The following PSD3 variants were observed in gnomAD, a reference collection of about 807,000 sequenced individuals.
The protein encoded by PSD3 is pleckstrin and Sec7 domain containing 3, also known as PH and SEC7 domain-containing protein 3.
In PSD3, 49 loss-of-function variants were observed where a neutral mutation model predicts 105.5. The ratio of observed to expected loss-of-function variants is 0.46; its 90% CI spans 0.37 to 0.59. The LOEUF is 0.59. PSD3 is among the 20% of genes least tolerant of loss of function. PSD3 has a pLI of 0.00. For missense variants in PSD3, 1,561 were observed against 1,263.8 expected (o/e 1.24, Z -3.57); for synonymous variants, 557 against 457.8 (o/e 1.22, Z -2.77).
chr8:18,953,560 C>A (rs1823377454), intron 1 of PSD3, among the ~76,000 whole-genome samples: 2 of 152,134 alleles, frequency 1.3e-5, no homozygotes, highest in East Asian at 1.9e-4. Context: ...ACCAGCCTGG[C>A]CAACATGTTA....
At chr8:19,071,475 T>C (rs1047031487) in intron 1 of PSD3, among the ~76,000 whole-genome samples, 12 of 152,232 alleles carry the variant, frequency 7.9e-5, no homozygotes, top group African/African-American at 1.9e-4. Context: ...GCAGAAGACA[T>C]AGAAGAGGTT....
At chr8:18,826,866 A>G (rs933948963) in intron 4 of PSD3, among the ~76,000 whole-genome samples, 6 of 152,166 alleles carry the variant, frequency 3.9e-5, no homozygotes, top group Non-Finnish European at 7.3e-5. Flanking sequence ...CTTAAGTGCT[A>G]TAATATAATT....
At chr8:18,671,848 G>C (rs1347852953) in intron 9 of PSD3, among the ~76,000 whole-genome samples, 2 of 152,190 alleles carry the variant, frequency 1.3e-5, no homozygotes, top group East Asian at 1.9e-4. Flanking sequence ...AGCCAGAATG[G>C]TCTCGATCTC....
chr8:18,571,265 G>A (rs2130318368), intron 14 of PSD3, among the ~76,000 whole-genome samples: 1 of 152,248 alleles, frequency 6.6e-6, no homozygotes, highest in South Asian at 2.1e-4. Flanking sequence ...CCTCTGCAGA[G>A]GTACATTTCT....
intron 1 of PSD3, among the ~76,000 whole-genome samples, chr8:18,951,994 CA>C (rs1464247491): frequency 6.6e-6 from 1 of 152,000 alleles, no homozygotes; most frequent in African/African-American, 2.4e-5. Context: ...AACAAACAAA[CA>C]AACAAAAAAC....
rs560642307 is a variant in PSD3, at chr8:18,897,514, G to C, written c.131-24781C>G. ...TTGTGTGGTTCTAGGCAAATTTTAG[G>C]ACTGTTTTTTCTATTTCTGTGATGA... On this transcript the variant is annotated intron_variant, in intron 2 of 15. Transcript: ENST00000327040. 4.6e-5 allele frequency among the ~76,000 whole-genome samples: 7 copies of C among 152,208 alleles called. No homozygotes were observed. In the South Asian group the frequency reaches 1.5e-3, roughly 32 times the overall value.
chr8:19,014,169 G>C (rs560128958), upstream of PSD3: 2 of 152,570 alleles, frequency 1.3e-5, no homozygotes, highest in African/African-American at 4.8e-5. The surrounding 1 kb of genome is among the most constrained non-coding windows in gnomAD (Gnocchi z 4.9). Flanking sequence ...GGAGCCGCGA[G>C]TTGGGCGCCG....
In PSD3 at chr8:18,556,469, A is replaced by G. The variant is rs527754811; in HGVS notation, c.2785-117T>C. 1.9e-4 allele frequency: 187 copies of G among 993,934 alleles called. 4 individuals carry two copies. The South Asian group carries it at 2.8e-3, about 15-fold the overall frequency. 61.6% of individuals were successfully genotyped at this position (993,934 alleles called of 1,614,324 possible). ...GACTTTAATTCACTAAAACAGCCCA[A>G]TGTGCCTCTGCTGCCACATCCTTCC... On this transcript the variant is annotated intron_variant, in intron 14 of 15. Coordinates refer to ENST00000327040, the MANE Select transcript of PSD3 (RefSeq NM_015310.4).
Position 18,688,254 on chromosome 8 carries a change from CTGTT to C in PSD3, c.2173-32573_2173-32570del, listed in dbSNP as rs10693160. Among the ~76,000 whole-genome samples, 1,128 of 148,872 alleles carry C rather than the reference CTGTT, an allele frequency of 7.6e-3. 6 individuals are homozygous for C. The highest frequency in any genetic ancestry group is 0.013 in the Non-Finnish European group (868 of 67,230). On this transcript the variant is annotated intron_variant, in intron 9 of 15. Transcript: ENST00000327040. ...ATGCACCTGGCACGATCACGTCAGG[CTGTT>C]TGTTTGTTTGTTTGTTTTGGTAGAA... is the stretch of plus-strand genomic sequence containing the variant.
At chr8:18,587,026 G>A (rs919092863) in intron 12 of PSD3, among the ~76,000 whole-genome samples, 7 of 152,174 alleles carry the variant, frequency 4.6e-5, no homozygotes, top group East Asian at 1.9e-4. Context: ...CAAACTGAAT[G>A]ACACTAACTT....
At chr8:18,732,227 C>T (rs1203969768) in intron 9 of PSD3, among the ~76,000 whole-genome samples, 1 of 151,924 alleles carries the variant, frequency 6.6e-6, no homozygotes, top group Non-Finnish European at 1.5e-5. Context: ...CTGAAGAATG[C>T]CTAACGAACT....
chr8:18,618,614 G>A (rs778393995), intron 11 of PSD3, among the ~76,000 whole-genome samples: 1 of 140,776 alleles, frequency 7.1e-6, no homozygotes, highest in Non-Finnish European at 1.7e-5. Flanking sequence ...CTATGTACCA[G>A]GCAGTGTACT....
intron 13 of PSD3, among the ~76,000 whole-genome samples, chr8:18,574,158 T>C (rs369143217): frequency 3.1e-4 from 47 of 151,194 alleles, no homozygotes; most frequent in African/African-American, 1.1e-3. Flanking sequence ...AAACAAAAAG[T>C]AAAAAAAAAG....
chr8:18,586,744 C>G (rs928181707), intron 12 of PSD3, among the ~76,000 whole-genome samples: 1 of 152,112 alleles, frequency 6.6e-6, no homozygotes, highest in Non-Finnish European at 1.5e-5. Context: ...AGTACTACCC[C>G]CCTCATTTAT....
chr8:18,802,722 T>C (rs1035944000), intron 6 of PSD3, among the ~76,000 whole-genome samples: 1 of 152,182 alleles, frequency 6.6e-6, no homozygotes, highest in African/African-American at 2.4e-5. Flanking sequence ...ATTAAAGGGT[T>C]ACACTAGATG....
chr8:18,563,221 T>C (rs1801509673), intron 14 of PSD3, among the ~76,000 whole-genome samples: 1 of 152,174 alleles, frequency 6.6e-6, no homozygotes, highest in South Asian at 2.1e-4. Flanking sequence ...CATGAACAAA[T>C]ACCTTAAGCT....
chr8:18,582,075 C>T (rs962310244), intron 12 of PSD3, among the ~76,000 whole-genome samples: 4 of 151,952 alleles, frequency 2.6e-5, no homozygotes, highest in Non-Finnish European at 4.4e-5. Context: ...AGGAAAGAAA[C>T]AAGATTCAAT....
chr8:18,637,655 G>A (rs547831920), intron 10 of PSD3, among the ~76,000 whole-genome samples: 1 of 152,246 alleles, frequency 6.6e-6, no homozygotes, highest in Non-Finnish European at 1.5e-5. Context: ...TTATGGTCGT[G>A]CCAGTTTGTT....
At chr8:18,961,279 ATACT>A (rs1165885570) in intron 1 of PSD3, among the ~76,000 whole-genome samples, 3 of 152,248 alleles carry the variant, frequency 2.0e-5, no homozygotes, top group Non-Finnish European at 4.4e-5. Context: ...TGACAACTCA[ATACT>A]TACGAGTCCA....
Sources: allele counts gnomAD v4.1 joint callset (sites outside exome capture counted in the v4.1 genomes callset), GRCh38; gene constraint gnomAD v4.1.1; non-coding constraint Gnocchi (gnomAD v3.1); transcripts MANE v1.5; gene names NCBI Gene and HGNC (gene_info 2026-07-23, HGNC 2026-07-21).